The following LRRC37A2 variants were observed in gnomAD, a reference collection of about 807,000 sequenced individuals.
LRRC37A2 encodes leucine rich repeat containing 37 member A2, also known as leucine-rich repeat-containing protein 37A2.
LRRC37A2 carries 9 observed loss-of-function variants against 68.8 expected under a neutral mutation model. The observed-to-expected ratio is 0.13, with a 90% CI of 0.08 to 0.23. The LOEUF is 0.23. Ranked by LOEUF, LRRC37A2 falls within the 10% of genes least tolerant of loss-of-function variation. The probability of loss-of-function intolerance (pLI) is 1.00; values close to 1 mark genes in which losing one functional copy is unlikely to be tolerated. For synonymous variants in LRRC37A2, 63 were observed against 367.6 expected, an observed-to-expected ratio of 0.17 and a Z score of 9.48; for missense variants, 168 against 950.4, an observed-to-expected ratio of 0.18 and a Z score of 10.82.
the LRRC37A2 span, among the ~76,000 whole-genome samples, chr17:46,791,630 TG>T: frequency 3.2e-4 from 48 of 152,214 alleles, no homozygotes; most frequent in Non-Finnish European, 2.8e-4. Flanking sequence ...AGGCATGCCC[TG>T]GTAAGGGTGC....
At chr17:46,685,397 T>C in the LRRC37A2 span, among the ~76,000 whole-genome samples, 2 of 151,640 alleles carry the variant, frequency 1.3e-5, no homozygotes, top group Admixed American at 1.3e-4. Context: ...AATGACCTCA[T>C]GCAGGATATA....
the LRRC37A2 span, among the ~76,000 whole-genome samples, chr17:46,880,918 T>C: frequency 6.6e-6 from 1 of 152,160 alleles, no homozygotes; most frequent in Non-Finnish European, 1.5e-5. Context: ...GCAGCATGGC[T>C]CAGGGTGGGG....
the LRRC37A2 span, among the ~76,000 whole-genome samples, chr17:46,785,634 C>T: frequency 4.6e-5 from 7 of 152,322 alleles, no homozygotes; most frequent in African/African-American, 1.2e-4. Flanking sequence ...AGGGGCCTTC[C>T]GAGGAGGTGG....
the LRRC37A2 span, among the ~76,000 whole-genome samples, chr17:46,759,617 T>G: frequency 6.6e-6 from 1 of 152,148 alleles, no homozygotes; most frequent in African/African-American, 2.4e-5. Context: ...TTCACTCGAG[T>G]GTGCAGACCA....
At chr17:46,941,328 C>G in the LRRC37A2 span, 1 of 985,106 alleles carries the variant, frequency 1.0e-6, no homozygotes, top group African/African-American at 1.7e-5. Flanking sequence ...GGAAGCACAT[C>G]AGCTGAATAA....
the LRRC37A2 span, chr17:46,818,535 A>C: frequency 1.2e-5 from 19 of 1,608,348 alleles, no homozygotes; most frequent in Middle Eastern, 1.7e-4. Context: ...TTGGGTAGCC[A>C]GCGAGGACCC....
the LRRC37A2 span, among the ~76,000 whole-genome samples, chr17:46,842,821 G>C: frequency 6.6e-6 from 1 of 152,216 alleles, no homozygotes; most frequent in African/African-American, 2.4e-5. Context: ...GAGAAAATCA[G>C]ACAGTGCACC....
At chr17:46,962,125 A>T in the LRRC37A2 span, among the ~76,000 whole-genome samples, 1 of 152,288 alleles carries the variant, frequency 6.6e-6, no homozygotes, top group Admixed American at 6.5e-5. Flanking sequence ...CAGAAGCTCG[A>T]GACCAGTCTG....
the LRRC37A2 span, among the ~76,000 whole-genome samples, chr17:46,605,494 C>G: frequency 7.0e-6 from 1 of 143,108 alleles, no homozygotes; most frequent in African/African-American, 2.6e-5. Context: ...TTACCTTCAA[C>G]AAGTATTTGG....
chr17:46,872,823 G>GGGA, the LRRC37A2 span: 4 of 1,502,504 alleles, frequency 2.7e-6, 1 homozygote, highest in East Asian at 9.3e-5. Flanking sequence ...GAAGCCTTCA[G>GGGA]GGAGGAGGAG....
chr17:46,946,021 G>A, the LRRC37A2 span, among the ~76,000 whole-genome samples: 2 of 152,142 alleles, frequency 1.3e-5, no homozygotes, highest in East Asian at 3.9e-4. Context: ...AGGGGCCCTG[G>A]GAGACCCTTG....
the LRRC37A2 span, among the ~76,000 whole-genome samples, chr17:46,609,869 A>G: frequency 7.6e-6 from 1 of 131,892 alleles, no homozygotes; most frequent in East Asian, 2.0e-4. Flanking sequence ...TTTGTCACCC[A>G]GTCTGGAATG....
At chr17:46,969,850 A>G in the LRRC37A2 span, among the ~76,000 whole-genome samples, 1 of 152,018 alleles carries the variant, frequency 6.6e-6, no homozygotes, top group Non-Finnish European at 1.5e-5. Context: ...GGTGCTTGTT[A>G]CCTTTCGCGA....
the LRRC37A2 span, chr17:46,764,298 G>A: frequency 1.3e-5 from 2 of 152,612 alleles, no homozygotes; most frequent in African/African-American, 4.8e-5. Flanking sequence ...TTCTGTTGGA[G>A]TCAAATTTTT....
At chr17:46,771,135 C>G in the LRRC37A2 span, among the ~76,000 whole-genome samples, 1 of 152,248 alleles carries the variant, frequency 6.6e-6, no homozygotes, top group Non-Finnish European at 1.5e-5. Flanking sequence ...CTCTCCGCGG[C>G]CCCCACGCCC....
chr17:46,843,256 C>T, the LRRC37A2 span, among the ~76,000 whole-genome samples: 1 of 152,304 alleles, frequency 6.6e-6, no homozygotes, highest in Non-Finnish European at 1.5e-5. Flanking sequence ...CTTAAGTCCC[C>T]AACACTTTTT....
At chr17:46,849,428 A>T in the LRRC37A2 span, among the ~76,000 whole-genome samples, 9 of 152,148 alleles carry the variant, frequency 5.9e-5, no homozygotes, top group East Asian at 1.7e-3. Context: ...AGCTGAACCC[A>T]CTCCATCCTC....
the LRRC37A2 span, among the ~76,000 whole-genome samples, chr17:46,898,631 C>A: frequency 6.6e-6 from 1 of 152,208 alleles, no homozygotes; most frequent in Non-Finnish European, 1.5e-5. Context: ...TGAGGAACGA[C>A]ACCTGAACAG....
chr17:46,543,397 G>A (rs1287758006), intron 8 of LRRC37A2, among the ~76,000 whole-genome samples: 1 of 150,870 alleles, frequency 6.6e-6, no homozygotes, highest in Non-Finnish European at 1.5e-5. Context: ...GATTGAAGGA[G>A]ACTAAAGAAT....
Sources: gnomAD v4.1 joint callset for allele counts (sites outside exome capture counted in the v4.1 genomes callset) on GRCh38, gnomAD v4.1.1 for gene constraint, MANE v1.5 for transcripts, NCBI Gene and HGNC (gene_info 2026-07-23, HGNC 2026-07-21) for gene names.